Variants in NKAIN2 observed in about 807,000 individuals in gnomAD.
NKAIN2 encodes the protein sodium/potassium-transporting ATPase subunit beta-1-interacting protein 2.
Under a neutral mutation model 32.6 loss-of-function variants are expected in NKAIN2, and 14 were observed. That is an observed-to-expected ratio of 0.43 (90% CI 0.28 to 0.67). The LOEUF (loss-of-function observed/expected upper bound fraction) is 0.67, where lower values mean the gene tolerates loss of function less well. Among genes scored for constraint, NKAIN2 ranks in the 30% least tolerant of loss-of-function variants. The pLI is 0.17. For synonymous variants in NKAIN2, 80 were observed against 87.2 expected, an observed-to-expected ratio of 0.92 and a Z score of 0.46; for missense variants, 198 against 258.3, an observed-to-expected ratio of 0.77 and a Z score of 1.60.
chr6:124,420,795 GT>G (rs1774711249), intron 3 of NKAIN2, among the ~76,000 whole-genome samples: 1 of 151,928 alleles, frequency 6.6e-6, no homozygotes, highest in African/African-American at 2.4e-5. Flanking sequence ...TTCTGCTTTT[GT>G]ATAGCTTTAT....
At chr6:123,857,981 A>C (rs1175609512) in intron 1 of NKAIN2, among the ~76,000 whole-genome samples, 1 of 152,206 alleles carries the variant, frequency 6.6e-6, no homozygotes, top group Non-Finnish European at 1.5e-5. Context: ...GATAGTGTGA[A>C]TGTGTTCTTT....
intron 4 of NKAIN2, among the ~76,000 whole-genome samples, chr6:124,729,487 A>G (rs1185436777): frequency 6.6e-6 from 1 of 151,112 alleles, no homozygotes; most frequent in Non-Finnish European, 1.5e-5. Context: ...ATGCAGAAAA[A>G]GCCTTTGACA....
intron 4 of NKAIN2, among the ~76,000 whole-genome samples, chr6:124,712,654 C>T (rs1775555872): frequency 6.6e-6 from 1 of 151,652 alleles, no homozygotes; most frequent in Non-Finnish European, 1.5e-5. Context: ...CCAAGTGAGG[C>T]AATGCCTGGC....
chr6:123,901,786 C>T (rs907094132), intron 1 of NKAIN2, among the ~76,000 whole-genome samples: 2 of 152,046 alleles, frequency 1.3e-5, no homozygotes, highest in Non-Finnish European at 2.9e-5. Flanking sequence ...TGTAACTCAT[C>T]TGACACAAGA....
intron 4 of NKAIN2, among the ~76,000 whole-genome samples, chr6:124,753,649 T>A (rs930412030): frequency 2.6e-5 from 4 of 152,032 alleles, no homozygotes; most frequent in Non-Finnish European, 5.9e-5. Context: ...ATGGCCACGA[T>A]TGCTCCTGAA....
chr6:123,896,347 C>T (rs1249704073), intron 1 of NKAIN2, among the ~76,000 whole-genome samples: 2 of 152,192 alleles, frequency 1.3e-5, no homozygotes, highest in East Asian at 3.9e-4. Flanking sequence ...AATTAGGAAT[C>T]CAAATCCATC....
chr6:124,171,369 G>A (rs935234798), intron 1 of NKAIN2, among the ~76,000 whole-genome samples: 3 of 151,978 alleles, frequency 2.0e-5, no homozygotes, highest in African/African-American at 7.2e-5. Context: ...GAAACAGCAA[G>A]ATTTGACATA....
At chr6:124,226,064 G>A (rs1443718721) in intron 1 of NKAIN2, among the ~76,000 whole-genome samples, 1 of 152,026 alleles carries the variant, frequency 6.6e-6, no homozygotes, top group East Asian at 1.9e-4. Context: ...CAAAGCCTAA[G>A]TCCAGTGTCA....
At chr6:123,810,313 T>C (rs955666872) in intron 1 of NKAIN2, among the ~76,000 whole-genome samples, 1 of 152,104 alleles carries the variant, frequency 6.6e-6, no homozygotes, top group African/African-American at 2.4e-5. Context: ...CAGCCTCTCA[T>C]GTTTTTTTTT....
intron 4 of NKAIN2, among the ~76,000 whole-genome samples, chr6:124,694,131 G>A (rs1774382672): frequency 6.6e-6 from 1 of 152,132 alleles, no homozygotes; most frequent in African/African-American, 2.4e-5. Context: ...ATTTAACATA[G>A]AGTATGTAAT....
chr6:124,734,174 A>G lies in NKAIN2; in HGVS notation c.475-57165A>G, dbSNP rs148838581. 5.2e-3 allele frequency among the ~76,000 whole-genome samples: 791 copies of G among 151,890 alleles called. 12 individuals are homozygous for G. Among genetic ancestry groups the G allele is most frequent in the African/African-American group, 0.018 (757 of 41,494 alleles). ...AGTCTTATTGGCCAAAGTGGAAATC[A>G]TATGTTCAAGAAAATAAGTAAGTAT... On this transcript the variant is annotated intron_variant, in intron 4 of 6. Coordinates refer to ENST00000368417, the MANE Select transcript of NKAIN2 (RefSeq NM_001040214.3).
At chr6:123,919,289 G>A (rs759913156) in intron 1 of NKAIN2, among the ~76,000 whole-genome samples, 9 of 151,970 alleles carry the variant, frequency 5.9e-5, no homozygotes, top group South Asian at 2.1e-4. Flanking sequence ...GTTTGTGTAC[G>A]TAAGATTTGA....
chr6:124,091,812 T>G (rs1784436261), intron 1 of NKAIN2, among the ~76,000 whole-genome samples: 1 of 151,978 alleles, frequency 6.6e-6, no homozygotes, highest in Non-Finnish European at 1.5e-5. Context: ...GAAGTCCACC[T>G]TTTCTACCTG....
intron 2 of NKAIN2, among the ~76,000 whole-genome samples, chr6:124,314,381 T>G (rs1796848559): frequency 6.6e-6 from 1 of 152,124 alleles, no homozygotes; most frequent in Non-Finnish European, 1.5e-5. Context: ...CTATAAGTTT[T>G]GCAAGATAAA....
chr6:124,323,777 A>ATTTTTT (rs1491556824), intron 2 of NKAIN2, among the ~76,000 whole-genome samples: 1 of 115,496 alleles, frequency 8.7e-6, no homozygotes, highest in African/African-American at 3.9e-5. Context: ...AATTCTTTTA[A>ATTTTTT]TTTTTTCTTT....
At position 124,186,131 on chromosome 6, in the gene NKAIN2, AAAG is replaced by A. The variant is rs1789715479; in HGVS notation, c.55-96871_55-96869del. On this transcript the variant is annotated intron_variant, in intron 1 of 6. Transcript: ENST00000368417. ...ACCCTGTCTTTACAAAAAATAAAAA[AAAG>A]AAAAGAAAGGAAGGAAGGAAGGGAG... Among the ~76,000 whole-genome samples the A allele has an allele frequency of 3.4e-5, 5 of 145,878 alleles. No individual in the cohort carries two copies. The South Asian group carries it at 1.1e-3, about 31-fold the overall frequency.
intron 2 of NKAIN2, among the ~76,000 whole-genome samples, chr6:124,284,648 T>A (rs1795458489): frequency 1.3e-5 from 2 of 152,078 alleles, no homozygotes; most frequent in Admixed American, 6.6e-5. Flanking sequence ...CCAAAATATT[T>A]GAACTATTTA....
intron 1 of NKAIN2, among the ~76,000 whole-genome samples, chr6:123,900,965 A>T (rs1207526119): frequency 6.6e-6 from 1 of 152,162 alleles, no homozygotes; most frequent in Admixed American, 6.5e-5. Flanking sequence ...CTTTGAGAAG[A>T]TGGAAGGAAT....
chr6:124,739,095 CT>C (rs11318224), intron 4 of NKAIN2, among the ~76,000 whole-genome samples: 66,126 of 151,460 alleles, frequency 0.44, 14,621 homozygotes, highest in African/African-American at 0.47. Context: ...GTTAAGCCAA[CT>C]GTTCAATATA....
Sources: gnomAD v4.1 joint callset for allele counts (sites outside exome capture counted in the v4.1 genomes callset) on GRCh38, gnomAD v4.1.1 for gene constraint, MANE v1.5 for transcripts, NCBI Gene and HGNC (gene_info 2026-07-23, HGNC 2026-07-21) for gene names.